COL10A1: variants seen among roughly 807,000 people sequenced by gnomAD.
The protein encoded by COL10A1 is collagen type X alpha 1 chain, also known as collagen alpha-1(X) chain.
A neutral mutation model predicts 18.2 loss-of-function variants in COL10A1; 10 were observed. The observed-to-expected ratio is 0.55, with a 90% CI of 0.34 to 0.93. COL10A1 has a LOEUF of 0.93. Ranked by LOEUF, COL10A1 falls within the 40% of genes least tolerant of loss-of-function variation. The pLI, the probability that COL10A1 is intolerant of heterozygous loss-of-function variation, is 0.02. For synonymous variants in COL10A1, 330 were observed against 316.6 expected (o/e 1.04, Z -0.45); for missense variants, 897 against 853.5 (o/e 1.05, Z -0.64).
At chr6:116,214,830 AAG>A in the COL10A1 span, among the ~76,000 whole-genome samples, 1 of 152,036 alleles carries the variant, frequency 6.6e-6, no homozygotes, top group South Asian at 2.1e-4. Context: ...TAAAAAAAAA[AAG>A]AGTTATCTGG....
At chr6:116,189,852 C>T in the COL10A1 span, among the ~76,000 whole-genome samples, 1 of 151,954 alleles carries the variant, frequency 6.6e-6, no homozygotes, top group Non-Finnish European at 1.5e-5. Context: ...TAAATGCTTC[C>T]GTTCAGGGGA....
chr6:116,139,177 T>C (rs75176278), intron 1 of COL10A1, among the ~76,000 whole-genome samples: 8,021 of 152,216 alleles, frequency 0.053, 223 homozygotes, highest in Non-Finnish European at 0.061. Context: ...GGGGAAAATG[T>C]TAAGAGTTTT....
chr6:116,167,210 T>TC, the COL10A1 span, among the ~76,000 whole-genome samples: 1 of 143,552 alleles, frequency 7.0e-6, no homozygotes, highest in African/African-American at 2.6e-5. Context: ...TAGAAGATTT[T>TC]TTTTTTTTTT....
At chr6:116,197,676 A>C in the COL10A1 span, among the ~76,000 whole-genome samples, 3 of 152,080 alleles carry the variant, frequency 2.0e-5, no homozygotes, top group Non-Finnish European at 4.4e-5. Context: ...CAATTGACAC[A>C]ATTACTTTTA....
chr6:116,150,565 G>A (rs192658664), intron 1 of COL10A1, among the ~76,000 whole-genome samples: 1 of 152,310 alleles, frequency 6.6e-6, no homozygotes, highest in African/African-American at 2.4e-5. Flanking sequence ...GATTACAGGC[G>A]TGAGTCACTG....
the COL10A1 span, among the ~76,000 whole-genome samples, chr6:116,200,002 G>GTC: frequency 9.9e-6 from 1 of 101,204 alleles, no homozygotes; most frequent in Admixed American, 1.2e-4. Flanking sequence ...TGGAAAGTGG[G>GTC]GGGGGAAGAG....
intron 1 of COL10A1, among the ~76,000 whole-genome samples, chr6:116,136,092 C>A (rs553862171): frequency 6.6e-6 from 1 of 152,066 alleles, no homozygotes; most frequent in African/African-American, 2.4e-5. Context: ...CTCCCTGTGA[C>A]CCTCCACTCT....
chr6:116,168,977 C>T, the COL10A1 span, among the ~76,000 whole-genome samples: 1 of 152,132 alleles, frequency 6.6e-6, no homozygotes, highest in Admixed American at 6.5e-5. Context: ...ACCTGGAGAG[C>T]TCATTAACTT....
the COL10A1 span, among the ~76,000 whole-genome samples, chr6:116,182,722 T>C: frequency 6.6e-6 from 1 of 151,930 alleles, no homozygotes; most frequent in Non-Finnish European, 1.5e-5. Flanking sequence ...AGCCCACTTT[T>C]TGATGTGATT....
chr6:116,145,498 A>G, intron 1 of COL10A1: 2 of 365,702 alleles, frequency 5.5e-6, no homozygotes, highest in East Asian at 7.7e-5. Context: ...CTTATTTAAG[A>G]GATTAAAGTG....
the COL10A1 span, among the ~76,000 whole-genome samples, chr6:116,191,886 C>A: frequency 6.6e-6 from 1 of 151,990 alleles, no homozygotes; most frequent in Non-Finnish European, 1.5e-5. Flanking sequence ...GAACAGGAGG[C>A]ATTATCAGTG....
At chr6:116,145,453 C>T in intron 1 of COL10A1, 1 of 390,792 alleles carries the variant, frequency 2.6e-6, no homozygotes, top group South Asian at 2.0e-5. Flanking sequence ...AGATTGGCCA[C>T]ATCCTTGCTT....
chr6:116,190,553 A>G, the COL10A1 span, among the ~76,000 whole-genome samples: 1 of 151,992 alleles, frequency 6.6e-6, no homozygotes. Context: ...CCTTTTTTAC[A>G]CAGCTAAAAT....
upstream of COL10A1, among the ~76,000 whole-genome samples, chr6:116,127,392 A>T (rs1779345430): frequency 6.6e-6 from 1 of 152,164 alleles, no homozygotes; most frequent in African/African-American, 2.4e-5. Context: ...TTGCCATATT[A>T]AAAAAATTTA....
intron 1 of COL10A1, among the ~76,000 whole-genome samples, chr6:116,157,671 G>A (rs1269741932): frequency 6.6e-6 from 1 of 152,056 alleles, no homozygotes; most frequent in Non-Finnish European, 1.5e-5. Flanking sequence ...CCAAATTTGG[G>A]CTCATTTTTT....
the COL10A1 span, among the ~76,000 whole-genome samples, chr6:116,180,069 T>C: frequency 2.0e-5 from 3 of 152,116 alleles, no homozygotes; most frequent in Non-Finnish European, 4.4e-5. Flanking sequence ...TGTGTTGAAT[T>C]TATAATGATC....
At chr6:116,124,615 A>G (rs1419864457) in intron 2 of COL10A1, among the ~76,000 whole-genome samples, 2 of 152,218 alleles carry the variant, frequency 1.3e-5, no homozygotes, top group African/African-American at 2.4e-5. Context: ...AGCACTTTAC[A>G]GGTATTAATT....
chr6:116,119,001 C>T lies in COL10A1; in HGVS notation c.*1072G>A, dbSNP rs1219377407. On this transcript the variant is annotated 3_prime_UTR_variant, in exon 3 of 3. Transcript: ENST00000651968. ...AATGGTTGAGAACAGCAAATTGCTG[C>T]TTTCAAATTAATTCAGCCTAAAAAT... 6.6e-6 allele frequency: 1 copy of T among 152,538 alleles called. No individual in the cohort carries two copies. 9.4% of individuals were successfully genotyped at this position (152,538 alleles called of 1,614,324 possible).
rs768368680 is a variant in COL10A1, at chr6:116,121,037, G to A, written c.1079C>T (p.Pro360Leu). The A allele has an allele frequency of 6.8e-6, 11 of 1,614,050 alleles. No individual in the cohort carries two copies. Among genetic ancestry groups the A allele is most frequent in the Non-Finnish European group, 9.3e-6 (11 of 1,179,930 alleles). ...CCCAGCTGGCCCTGTCTCACCTTTAGGGCCTGGGAGACCATGGCTACCCGG... is the reference window on the plus strand; with the variant it reads ...CCCAGCTGGCCCTGTCTCACCTTTAAGGCCTGGGAGACCATGGCTACCCGG... ...GIPGSHGLPG[P>L]KGETGPAGPA... The change falls in exon 3 of 3, where the codon CCT becomes CTT. Residue 360 changes from proline to leucine, a missense_variant. Transcript: ENST00000651968.
Sources: allele counts gnomAD v4.1 joint callset (sites outside exome capture counted in the v4.1 genomes callset), GRCh38; gene constraint gnomAD v4.1.1; transcripts MANE v1.5; gene names NCBI Gene and HGNC (gene_info 2026-07-23, HGNC 2026-07-21).